The following KAZN variants were observed in gnomAD, a reference collection of about 807,000 sequenced individuals.
The protein encoded by KAZN is kazrin.
KAZN carries 40 observed loss-of-function variants against 87.4 expected under a neutral mutation model. The observed-to-expected ratio is 0.46, with a 90% CI of 0.36 to 0.60. The LOEUF (loss-of-function observed/expected upper bound fraction) is 0.60. Ranked by LOEUF, KAZN falls within the 20% of genes least tolerant of loss-of-function variation. The pLI is 0.00. For missense variants in KAZN, 898 were observed against 1,073.9 expected (o/e 0.84, Z 2.29); for synonymous variants, 466 against 458.3 (o/e 1.02, Z -0.22).
chr1:14,995,878 G>A (rs1047773401), intron 2 of KAZN, among the ~76,000 whole-genome samples: 7 of 152,108 alleles, frequency 4.6e-5, no homozygotes, highest in African/African-American at 1.2e-4. Context: ...TCTGCTTGGG[G>A]CTTTAAACAT....
At chr1:14,463,974 C>T (rs1045054992) in intron 2 of KAZN, among the ~76,000 whole-genome samples, 15 of 152,124 alleles carry the variant, frequency 9.9e-5, no homozygotes, top group African/African-American at 1.7e-4. Context: ...GCCCTTAGGC[C>T]GTATCATTTT....
chr1:14,160,469 C>A (rs924325584), intron 1 of KAZN, among the ~76,000 whole-genome samples: 2 of 152,164 alleles, frequency 1.3e-5, no homozygotes, highest in African/African-American at 4.8e-5. Context: ...AAGGAGGGGG[C>A]TTGGGAGAGG....
At chr1:14,654,014 G>A (rs960734701) in intron 1 of KAZN, among the ~76,000 whole-genome samples, 6 of 152,140 alleles carry the variant, frequency 3.9e-5, no homozygotes, top group Middle Eastern at 6.3e-3. Flanking sequence ...GGCCAGGCAC[G>A]ATGGCTCACG....
intron 1 of KAZN, among the ~76,000 whole-genome samples, chr1:14,170,728 A>AT (rs57615340): frequency 0.62 from 93,979 of 151,298 alleles, 30,159 homozygotes; most frequent in African/African-American, 0.78. Flanking sequence ...TTCTGTAATT[A>AT]TTTTTTTTTC....
At chr1:14,056,494 A>C (rs1235749932) in intron 1 of KAZN, among the ~76,000 whole-genome samples, 1 of 152,244 alleles carries the variant, frequency 6.6e-6, no homozygotes, top group Non-Finnish European at 1.5e-5. Flanking sequence ...CCCTGCTGAC[A>C]TCCTGATTTT....
intron 1 of KAZN, among the ~76,000 whole-genome samples, chr1:14,720,463 G>A (rs1471989589): frequency 6.6e-6 from 1 of 152,126 alleles, no homozygotes; most frequent in African/African-American, 2.4e-5. Context: ...TCTGAAACCT[G>A]CCTCATGGAG....
intron 1 of KAZN, among the ~76,000 whole-genome samples, chr1:14,722,239 A>G (rs183451739): frequency 6.6e-6 from 1 of 152,338 alleles, no homozygotes; most frequent in East Asian, 1.9e-4. Context: ...ACATTTAAGC[A>G]AATTTCCATG....
chr1:14,385,279 A>G (rs1316944712), intron 2 of KAZN, among the ~76,000 whole-genome samples: 1 of 152,086 alleles, frequency 6.6e-6, no homozygotes, highest in Non-Finnish European at 1.5e-5. Flanking sequence ...GGATTCATTA[A>G]TTTTTTGAAA....
intron 1 of KAZN, among the ~76,000 whole-genome samples, chr1:14,922,396 G>C (rs542676210): frequency 7.7e-4 from 118 of 152,266 alleles, no homozygotes; most frequent in African/African-American, 2.8e-3. Context: ...GTAAAGGAGA[G>C]GAATTAGGGG....
At chr1:14,097,054 G>A (rs1644144802) in intron 1 of KAZN, among the ~76,000 whole-genome samples, 1 of 152,232 alleles carries the variant, frequency 6.6e-6, no homozygotes, top group African/African-American at 2.4e-5. Flanking sequence ...CATTGTAGAG[G>A]ATAGTGAGAG....
intron 1 of KAZN, among the ~76,000 whole-genome samples, chr1:14,169,181 G>A (rs1435645784): frequency 3.9e-5 from 6 of 152,142 alleles, no homozygotes; most frequent in Admixed American, 3.9e-4. Context: ...GGTCAGGGCA[G>A]GAGACGGCTG....
At chr1:14,138,555 C>G (rs748623078) in intron 1 of KAZN, among the ~76,000 whole-genome samples, 33 of 152,250 alleles carry the variant, frequency 2.2e-4, no homozygotes, top group Non-Finnish European at 4.6e-4. Flanking sequence ...TCCCCTAGAG[C>G]CCCCACGAGA....
At position 15,099,383 on chromosome 1, in the gene KAZN, G is replaced by A. The variant is rs1272819811; in HGVS notation, c.1548-2160G>A. ...TAGTGGACAAACCAGCAATTGCTTA[G>A]GTTCAGTATGTGATTAGAGCTTTGA... On this transcript the variant is annotated intron_variant, in intron 10 of 14. Coordinates refer to ENST00000376030, the MANE Select transcript of KAZN (RefSeq NM_201628.3). This position sits in a 1 kb window ranked among gnomAD's most constrained non-coding sequence, Gnocchi z 5.4. 6.6e-6 allele frequency among the ~76,000 whole-genome samples: 1 copy of A among 152,244 alleles called. No homozygotes were observed. Among genetic ancestry groups the A allele is most frequent in the Non-Finnish European group, 1.5e-5 (1 of 68,044 alleles).
intron 1 of KAZN, among the ~76,000 whole-genome samples, chr1:14,066,497 A>G (rs1026356281): frequency 6.6e-6 from 1 of 152,190 alleles, no homozygotes; most frequent in Non-Finnish European, 1.5e-5. Flanking sequence ...TCACTCTATG[A>G]TGACGGGACA....
chr1:14,563,708 C>T (rs1674381642), intron 2 of KAZN, among the ~76,000 whole-genome samples: 1 of 152,036 alleles, frequency 6.6e-6, no homozygotes, highest in Non-Finnish European at 1.5e-5. Flanking sequence ...ACCACTCCTC[C>T]CCATCCTCTC....
intron 2 of KAZN, among the ~76,000 whole-genome samples, chr1:14,370,645 G>A (rs889777811): frequency 2.0e-5 from 3 of 152,302 alleles, no homozygotes; most frequent in Non-Finnish European, 4.4e-5. Context: ...GACTGCCAGG[G>A]ATCTCTGAGG....
intron 1 of KAZN, among the ~76,000 whole-genome samples, chr1:13,913,142 C>A (rs1639714492): frequency 6.6e-6 from 1 of 152,066 alleles, no homozygotes; most frequent in South Asian, 2.1e-4. Context: ...CTACTGGTTT[C>A]CCCCAAGACA....
intron 2 of KAZN, among the ~76,000 whole-genome samples, chr1:14,514,529 A>ATATATTTTATATATAATATAT (rs1557770225): frequency 2.9e-4 from 5 of 17,168 alleles, no homozygotes; most frequent in African/African-American, 8.9e-4. Flanking sequence ...TATATATTTT[A>ATATATTTTATATATAATATAT]GATATATTTT....
At chr1:15,041,333 T>TTTTTTTTC (rs1266862437) in intron 3 of KAZN, among the ~76,000 whole-genome samples, 2 of 115,684 alleles carry the variant, frequency 1.7e-5, no homozygotes, top group African/African-American at 9.2e-5. Flanking sequence ...TTTTTTTTCT[T>TTTTTTTTC]TTTTTTTTTT....
Sources: allele counts gnomAD v4.1 joint callset (sites outside exome capture counted in the v4.1 genomes callset), GRCh38; gene constraint gnomAD v4.1.1; non-coding constraint Gnocchi (gnomAD v3.1); transcripts MANE v1.5; gene names NCBI Gene and HGNC (gene_info 2026-07-23, HGNC 2026-07-21).